AHI1: variants seen among roughly 807,000 people sequenced by gnomAD.
AHI1 encodes jouberin.
In AHI1, 123 loss-of-function variants were observed where a neutral mutation model predicts 149.3. That is an observed-to-expected ratio of 0.82 (90% CI 0.71 to 0.96). The LOEUF (loss-of-function observed/expected upper bound fraction) is 0.96. Ranked by LOEUF, AHI1 falls within the 40% of genes least tolerant of loss-of-function variation. The probability of loss-of-function intolerance (pLI) is 0.00; values close to 1 mark genes in which losing one functional copy is unlikely to be tolerated. For synonymous variants in AHI1, 475 were observed against 459.8 expected (o/e 1.03, Z -0.42); for missense variants, 1,439 against 1,422.7 (o/e 1.01, Z -0.18).
intron 23 of AHI1, among the ~76,000 whole-genome samples, chr6:135,386,599 C>T (rs983237730): frequency 3.3e-5 from 5 of 151,448 alleles, no homozygotes; most frequent in East Asian, 1.9e-4. Flanking sequence ...TGTGAGCCAC[C>T]GTGCCTGGCC....
intron 27 of AHI1, among the ~76,000 whole-genome samples, chr6:135,292,021 G>A (rs1411807826): frequency 6.6e-6 from 1 of 152,144 alleles, no homozygotes; most frequent in Non-Finnish European, 1.5e-5. Context: ...AGAATGTAGA[G>A]CTGTGGTCCA....
Position 135,404,954 on chromosome 6 carries a change from T to TAA in AHI1, c.2984_2985insTT (p.Lys996Ter). On this transcript the variant is annotated frameshift_variant, in exon 22 of 29. Transcript: ENST00000265602. LOFTEE classifies it high-confidence loss of function. ...CCTGGTAATAAAAACTACTTACTTTTGCAGCACAGGAACGTATCACCTCCT... is the reference window on the plus strand; with the variant it reads ...CCTGGTAATAAAAACTACTTACTTTTAAGCAGCACAGGAACGTATCACCTCCT... 6.2e-7 allele frequency: 1 copy of TAA among 1,608,528 alleles called. No individual in the cohort carries two copies. The highest frequency in any genetic ancestry group is 8.5e-7 in the Non-Finnish European group (1 of 1,175,448).
rs771792146 is a variant in AHI1, at chr6:135,455,749, G to A, written c.1329C>T (p.Val443=). 1.3e-6 allele frequency: 2 copies of A among 1,592,764 alleles called. No homozygotes were observed. The highest frequency in any genetic ancestry group is 1.7e-6 in the Non-Finnish European group (2 of 1,167,326). ...LLRGSDESPK[V]ILFFEILDFL... ...CAATTCATACCTCAAAGAACAGGAT[G>A]ACTTTAGGACTCTCATCAGAGCCTC... The change falls in exon 10 of 29, where the codon GTC becomes GTT. Residue 443 remains valine (V), a synonymous_variant. Transcript: ENST00000265602.
intron 14 of AHI1, among the ~76,000 whole-genome samples, chr6:135,441,746 T>C (rs189583404): frequency 1.3e-4 from 20 of 152,264 alleles, no homozygotes; most frequent in Admixed American, 1.2e-3. Flanking sequence ...CCTCTACATA[T>C]GGGTTTTTGG....
intron 26 of AHI1, chr6:135,302,752 T>A: frequency 7.8e-7 from 1 of 1,287,322 alleles, no homozygotes. Flanking sequence ...TATAGGTAGT[T>A]ACTCATGGAG....
intron 27 of AHI1, among the ~76,000 whole-genome samples, chr6:135,294,198 C>T (rs1782761382): frequency 6.6e-6 from 1 of 151,978 alleles, no homozygotes; most frequent in South Asian, 2.1e-4. Context: ...TGGTGGTGTG[C>T]ACCTGTAATC....
At chr6:135,304,494 G>A (rs142814362) in intron 26 of AHI1, among the ~76,000 whole-genome samples, 325 of 152,250 alleles carry the variant, frequency 2.1e-3, no homozygotes, top group African/African-American at 7.6e-3. Context: ...GAAGACCGCC[G>A]GGTGTGGTGG....
In AHI1 at chr6:135,467,606, T is replaced by G. The variant is rs971565169; in HGVS notation, c.164A>C (p.Tyr55Ser). Residue 55 changes from tyrosine to serine, a missense_variant, in exon 6 of 29, where the codon TAT becomes TCT. Coordinates refer to ENST00000265602, the MANE Select transcript of AHI1 (RefSeq NM_001134831.2). ...SPDTIRSNLH[Y>S]MKETTSDDPD... ...ATCATCACTTGTAGTTTCTTTCATA[T>G]AGTGAAGATTGCTTCTAATAGTGTC... The G allele has an allele frequency of 2.5e-6, 4 of 1,609,532 alleles. No homozygotes were observed. Among genetic ancestry groups the G allele is most frequent in the Non-Finnish European group, 3.4e-6 (4 of 1,176,746 alleles).
chr6:135,394,340 T>C (rs1259612305), intron 23 of AHI1, among the ~76,000 whole-genome samples: 10 of 152,092 alleles, frequency 6.6e-5, no homozygotes, highest in Non-Finnish European at 1.5e-4. Flanking sequence ...CTTTTTTGCA[T>C]ATTTTGTTAA....
chr6:135,436,171 C>A (rs1785369731), intron 15 of AHI1, among the ~76,000 whole-genome samples: 1 of 152,012 alleles, frequency 6.6e-6, no homozygotes. Context: ...CTAGGATAAG[C>A]ATATAAAACC....
chr6:135,300,758 G>A, intron 26 of AHI1, 200 bp from the exon 27 acceptor site: 1 of 1,131,054 alleles, frequency 8.8e-7, no homozygotes, highest in Non-Finnish European at 1.1e-6. Flanking sequence ...CAAGGAAGTA[G>A]TTCTCCAGAG....
chr6:135,447,231 T>A, intron 12 of AHI1, 71 bp from the exon 13 acceptor site: 2 of 1,036,740 alleles, frequency 1.9e-6, no homozygotes, highest in Non-Finnish European at 2.6e-6. Context: ...ATATAGTTTT[T>A]AAAATACTGA....
chr6:135,349,338 C>T (rs1791724259), intron 24 of AHI1, among the ~76,000 whole-genome samples: 1 of 152,144 alleles, frequency 6.6e-6, no homozygotes. Flanking sequence ...AAAAAGATTA[C>T]TGGGTGTTCA....
chr6:135,483,527 A>C (rs976286364), intron 5 of AHI1, among the ~76,000 whole-genome samples: 8 of 152,218 alleles, frequency 5.3e-5, no homozygotes, highest in African/African-American at 1.9e-4. Context: ...AAAGTGAGGA[A>C]ATTTTGGCTC....
chr6:135,327,143 A>T (rs1017156312), intron 24 of AHI1, among the ~76,000 whole-genome samples: 1 of 152,206 alleles, frequency 6.6e-6, no homozygotes, highest in Non-Finnish European at 1.5e-5. Flanking sequence ...AAATTTCTGC[A>T]AAACCACCCA....
chr6:135,340,473 T>C (rs1582685911), intron 24 of AHI1, among the ~76,000 whole-genome samples: 2 of 151,122 alleles, frequency 1.3e-5, no homozygotes. Flanking sequence ...AATAAATACA[T>C]TGCAAGATAA....
chr6:135,311,996 A>T (rs1194306604), intron 26 of AHI1, among the ~76,000 whole-genome samples: 4 of 152,244 alleles, frequency 2.6e-5, no homozygotes, highest in African/African-American at 7.2e-5. Context: ...TACCTGGCAC[A>T]ATTAGCAACA....
intron 23 of AHI1, among the ~76,000 whole-genome samples, chr6:135,374,401 C>T (rs776622535): frequency 2.0e-5 from 3 of 151,942 alleles, no homozygotes; most frequent in East Asian, 1.9e-4. Flanking sequence ...CGTGAGCCAC[C>T]GCGCTCGGCC....
At chr6:135,378,205 C>A (rs2128464516) in intron 23 of AHI1, among the ~76,000 whole-genome samples, 1 of 152,254 alleles carries the variant, frequency 6.6e-6, no homozygotes, top group Non-Finnish European at 1.5e-5. Flanking sequence ...ACTCACATCT[C>A]TGGGAAGACC....
Sources: allele counts gnomAD v4.1 joint callset (sites outside exome capture counted in the v4.1 genomes callset), GRCh38; gene constraint gnomAD v4.1.1; transcripts MANE v1.5; gene names NCBI Gene and HGNC (gene_info 2026-07-23, HGNC 2026-07-21).